The following TTN variants were observed in gnomAD, a reference collection of about 807,000 sequenced individuals.
TTN encodes connectin.
Under a neutral mutation model 3,223.0 loss-of-function variants are expected in TTN, and 1,525 were observed. The ratio of observed to expected loss-of-function variants is 0.47; its 90% CI spans 0.45 to 0.49. The LOEUF (loss-of-function observed/expected upper bound fraction) is 0.49, where lower values mean the gene tolerates loss of function less well. TTN is among the 20% of genes least tolerant of loss of function. The pLI is 0.00. For missense variants in TTN, 40,786 were observed against 43,424.0 expected, an observed-to-expected ratio of 0.94 and a Z score of 5.40; for synonymous variants, 14,094 against 15,161.0, an observed-to-expected ratio of 0.93 and a Z score of 5.17.
At position 178,582,287 on chromosome 2, in the gene TTN, T is replaced by C. The variant is rs2047957294; in HGVS notation, c.66160+9A>G. 1.3e-6 allele frequency: 2 copies of C among 1,578,058 alleles called. No individual in the cohort carries two copies. The highest frequency in any genetic ancestry group is 1.4e-5 in the African/African-American group (1 of 72,504). On this transcript the variant is annotated intron_variant, in intron 314 of 362. Transcript: ENST00000589042. ...AATAAAATGAAAAACCACCGGGAAA[T>C]GTTCCTACCATATGGGTTTTTGGCA...
intron 47 of TTN, chr2:178,750,047 T>C: frequency 6.2e-7 from 1 of 1,613,206 alleles, no homozygotes; most frequent in Non-Finnish European, 8.5e-7. Flanking sequence ...TTTAGACTCT[T>C]TATCCTGTTC....
chr2:178,707,570 T>C lies in TTN; in HGVS notation c.28997A>G (p.Asn9666Ser). 1.2e-6 allele frequency: 2 copies of C among 1,613,828 alleles called. No homozygotes were observed. The highest frequency in any genetic ancestry group is 8.5e-7 in the Non-Finnish European group (1 of 1,179,782). The change falls in exon 100 of 363, where the codon AAT becomes AGT. Residue 9666 changes from asparagine (N) to serine (S), a missense_variant. Coordinates refer to ENST00000589042, the MANE Select transcript of TTN (RefSeq NM_001267550.2). The stretch of plus-strand genomic sequence containing the variant: ...TTTGGTAGTGTCACTTCCAGCCACA[T>C]TTGAAGCTTTACACACATAATCTCC... ...DSGDYVCKAS[N>S]VAGSDTTKSK...
chr2:178,569,139 G>A lies in TTN; in HGVS notation c.76993C>T (p.Leu25665Phe). 6.2e-7 allele frequency: 1 copy of A among 1,613,424 alleles called. No homozygotes were observed. Among genetic ancestry groups the A allele is most frequent in the Non-Finnish European group, 8.5e-7 (1 of 1,179,552 alleles). Reference protein sequence around the residue: ...CHKNSWKIDQLQEGCSYYFRV... With the variant: ...CHKNSWKIDQFQEGCSYYFRV... The stretch of plus-strand genomic sequence containing the variant: ...AAGTAATAACTGCAACCTTCTTGGA[G>A]CTGATCGATTTTCCAAGAATTCTTA... Residue 25665 changes from leucine to phenylalanine, a missense_variant, in exon 326 of 363, where the codon CTC (leucine) becomes TTC (phenylalanine). Physicochemically the swap from Leu to Phe is conservative, Grantham distance 22. Coordinates refer to ENST00000589042, the MANE Select transcript of TTN (RefSeq NM_001267550.2).
intron 28 of TTN, 73 bp from the exon 29 acceptor site, chr2:178,775,275 GA>G: frequency 6.2e-7 from 1 of 1,612,058 alleles, no homozygotes; most frequent in South Asian, 1.1e-5. Context: ...GAGGAATGGG[GA>G]AAGAAAATAA....
rs752239244 is a variant in TTN, at chr2:178,581,876, A to G, written c.66463+30T>C. 3 of 1,606,782 alleles carry G rather than the reference A, an allele frequency of 1.9e-6. No homozygotes were observed. The Admixed American group carries it at 5.2e-5, about 28-fold the overall frequency. ...GGGTGTTTAATGCTGCTTTTAACAC[A>G]GGATATGGAACTCGTTCATGAACAC... is the stretch of plus-strand genomic sequence containing the variant. On this transcript the variant is annotated intron_variant, in intron 315 of 362. Transcript: ENST00000589042.
chr2:178,773,848 G>C lies in TTN; in HGVS notation c.7320C>G (p.Val2440=). The change falls in exon 31 of 363, where the codon GTC becomes GTG. Residue 2440 remains valine (V), a synonymous_variant. Coordinates refer to ENST00000589042, the MANE Select transcript of TTN (RefSeq NM_001267550.2). The part of the protein sequence containing the change: ...PALGLSTSGR[V]SVYSVDVITP... ...ATAATTAGGACTCACTATAGACAGA[G>C]ACACGCCCACTGGTGGAGAGGCCAA... is the stretch of plus-strand genomic sequence containing the variant. The C allele has an allele frequency of 6.2e-7, 1 of 1,614,074 alleles. No homozygotes were observed. The highest frequency in any genetic ancestry group is 8.5e-7 in the Non-Finnish European group (1 of 1,179,990).
At chr2:178,676,916 T>C (rs2068196534) in intron 147 of TTN, among the ~76,000 whole-genome samples, 1 of 151,682 alleles carries the variant, frequency 6.6e-6, no homozygotes, top group Admixed American at 6.6e-5. Context: ...TATTCATATA[T>C]ATTTAAATAT....
intron 47 of TTN, chr2:178,749,236 A>T: frequency 6.2e-7 from 1 of 1,611,682 alleles, no homozygotes; most frequent in Non-Finnish European, 8.5e-7. Flanking sequence ...TAATAGTGAC[A>T]TCACTGAAAT....
intron 47 of TTN, chr2:178,744,739 T>C (rs972006818): frequency 2.0e-6 from 2 of 984,808 alleles, no homozygotes; most frequent in African/African-American, 1.7e-5. Context: ...TTTTAAAATC[T>C]ATATGTAAAC....
At position 178,531,021 on chromosome 2, in the gene TTN, A is replaced by T. The variant is rs1165290743; in HGVS notation, c.105594T>A (p.Asn35198Lys). Residue 35198 changes from asparagine to lysine, a missense_variant, in exon 358 of 363, where the codon AAT becomes AAA. Coordinates refer to ENST00000589042, the MANE Select transcript of TTN (RefSeq NM_001267550.2). ...ISSVQASDEGNYSVVVENSEG... is the reference protein window; with the variant it reads ...ISSVQASDEGKYSVVVENSEG... The stretch of plus-strand genomic sequence containing the variant: ...CACTGTTTTCTACCACCACGCTGTA[A>T]TTGCCCTCATCGGAAGCCTGGACTG... The T allele has an allele frequency of 6.2e-7, 1 of 1,613,848 alleles. No individual in the cohort carries two copies. Among genetic ancestry groups the T allele is most frequent in the East Asian group, 2.2e-5 (1 of 44,874 alleles).
chr2:178,642,999 G>A (rs192896759), intron 218 of TTN, among the ~76,000 whole-genome samples: 8 of 152,012 alleles, frequency 5.3e-5, no homozygotes, highest in Admixed American at 1.3e-4. Flanking sequence ...TTCCTGTTGC[G>A]TCTACAGTGA....
chr2:178,576,035 A>T lies in TTN; in HGVS notation c.70097T>A (p.Val23366Glu), dbSNP rs372782502. 2 of 1,613,178 alleles carry T rather than the reference A, an allele frequency of 1.2e-6. No homozygotes were observed. The highest frequency in any genetic ancestry group is 3.3e-5 in the Admixed American group (2 of 59,968). ...AGGAGCAGGACGACCTTTAATTGGC[A>T]CAAATATCCTAATACTGAGTCCTGC... is the stretch of plus-strand genomic sequence containing the variant. ...VRAGLSIRIF[V>E]PIKGRPAPEV... The change falls in exon 326 of 363, where the codon GTG becomes GAG. Residue 23366 changes from valine to glutamate, a missense_variant. Transcript: ENST00000589042. The surrounding 1 kb of genome is among the most constrained non-coding windows in gnomAD (Gnocchi z 4.3).
Position 178,528,691 on chromosome 2 carries a change from T to C in TTN, c.107060A>G (p.Lys35687Arg), listed in dbSNP as rs764684882. The C allele has an allele frequency of 2.0e-5, 32 of 1,613,466 alleles. No individual in the cohort carries two copies. The highest frequency in any genetic ancestry group is 2.7e-5 in the Non-Finnish European group (32 of 1,179,716). ...GCTCAGTGTCAAATCATACTGACAC[T>C]TGACGATTCCTTCCTTGGTTTTGCT... ...CISKTKEGIV[K>R]CQYDLTLSKE... Residue 35687 changes from lysine (K) to arginine (R), a missense_variant, in exon 360 of 363, where the codon AAG (lysine) becomes AGG (arginine). Transcript: ENST00000589042.
intron 294 of TTN, 73 bp downstream of exon 294, chr2:178,597,465 A>G (rs1331044196): frequency 1.4e-6 from 2 of 1,472,350 alleles, no homozygotes; most frequent in African/African-American, 2.8e-5. Context: ...TACACAGCAT[A>G]CAGCATAGCT....
chr2:178,789,636 A>C, intron 12 of TTN, 139 bp from the exon 13 acceptor site: 1 of 1,169,932 alleles, frequency 8.5e-7, no homozygotes, highest in Non-Finnish European at 1.2e-6. Flanking sequence ...TTCACCGGCA[A>C]TGTCTACATA....
At position 178,556,923 on chromosome 2, in the gene TTN, A is replaced by G. The variant is rs1701736067; in HGVS notation, c.88231T>C (p.Phe29411Leu). Reference sequence around the variant, plus strand: ...ATGGAACCAACAGCATTCCTAGCAAAGACACGGAATTCATACTGGGAATTC... The same window carrying G: ...ATGGAACCAACAGCATTCCTAGCAAGGACACGGAATTCATACTGGGAATTC... Reference protein sequence around the residue: ...TQNSQYEFRVFARNAVGSISN... With the variant: ...TQNSQYEFRVLARNAVGSISN... The change falls in exon 330 of 363, where the codon TTT (phenylalanine) becomes CTT (leucine). Residue 29411 changes from phenylalanine to leucine, a missense_variant. Coordinates refer to ENST00000589042, the MANE Select transcript of TTN (RefSeq NM_001267550.2). The G allele has an allele frequency of 6.2e-7, 1 of 1,613,730 alleles. No homozygotes were observed. Among genetic ancestry groups the G allele is most frequent in the Non-Finnish European group, 8.5e-7 (1 of 1,179,838 alleles).
Position 178,777,518 on chromosome 2 carries a change from A to G in TTN, c.4547T>C (p.Ile1516Thr), listed in dbSNP as rs1464496143. Reference sequence around the variant, plus strand: ...ATCACTGGGTGTGGCAGGGACAATAATTAGTGATTGAGTACCATCTTCTTT... The same window carrying G: ...ATCACTGGGTGTGGCAGGGACAATAGTTAGTGATTGAGTACCATCTTCTTT... ...VIKEDGTQSL[I>T]IVPATPSDSG... The change falls in exon 26 of 363, where the codon ATT (isoleucine) becomes ACT (threonine). Residue 1516 changes from isoleucine (I) to threonine (T), a missense_variant. Coordinates refer to ENST00000589042, the MANE Select transcript of TTN (RefSeq NM_001267550.2). 1.5e-5 allele frequency: 24 copies of G among 1,613,816 alleles called. No homozygotes were observed. The highest frequency in any genetic ancestry group is 2.0e-5 in the Non-Finnish European group (24 of 1,179,952).
intron 2 of TTN, 132 bp downstream of exon 2, chr2:178,804,420 T>A: frequency 1.2e-6 from 1 of 814,498 alleles, no homozygotes; most frequent in Non-Finnish European, 2.1e-6. Context: ...TAAAATGACC[T>A]TTCCATAGTG....
chr2:178,558,292 A>G (rs1702284617), intron 327 of TTN, 49 bp downstream of exon 327: 1 of 1,592,268 alleles, frequency 6.3e-7, no homozygotes, highest in Non-Finnish European at 8.5e-7. Flanking sequence ...ATTAACATAA[A>G]TCAATGCAAA....
Sources: allele counts gnomAD v4.1 joint callset (sites outside exome capture counted in the v4.1 genomes callset), GRCh38; gene constraint gnomAD v4.1.1; non-coding constraint Gnocchi (gnomAD v3.1); transcripts MANE v1.5; gene names NCBI Gene and HGNC (gene_info 2026-07-23, HGNC 2026-07-21).